Variants in BAIAP2L1 observed in about 807,000 individuals in gnomAD.
BAIAP2L1 encodes BAR/IMD domain containing adaptor protein 2 like 1.
Under a neutral mutation model 66.3 loss-of-function variants are expected in BAIAP2L1, and 35 were observed. The ratio of observed to expected loss-of-function variants is 0.53; its 90% CI spans 0.40 to 0.70. The LOEUF (loss-of-function observed/expected upper bound fraction) is 0.70. Among genes scored for constraint, BAIAP2L1 ranks in the 30% least tolerant of loss-of-function variants. BAIAP2L1 has a pLI of 0.00. For missense variants in BAIAP2L1, 622 were observed against 656.9 expected, an observed-to-expected ratio of 0.95 and a Z score of 0.58; for synonymous variants, 269 against 248.7, an observed-to-expected ratio of 1.08 and a Z score of -0.77.
rs1800896462 is a variant in BAIAP2L1 at position 98,312,117 on chromosome 7, T to C, written c.787A>G (p.Met263Val). The C allele has an allele frequency of 1.2e-6, 2 of 1,606,648 alleles. No individual in the cohort carries two copies. Among genetic ancestry groups the C allele is most frequent in the African/African-American group, 1.3e-5 (1 of 74,470 alleles). ...PVSGTPQASP[M>V]IERSNVVRKD... ...CCTACCACATTGCTTCTCTCGATCATGGGTGAAGCCTGAGGAGTTCCAGAC... is the reference window on the plus strand; with the variant it reads ...CCTACCACATTGCTTCTCTCGATCACGGGTGAAGCCTGAGGAGTTCCAGAC... Residue 263 changes from methionine to valine, a missense_variant, in exon 8 of 14, where the codon ATG becomes GTG. Physicochemically the swap from Met to Val is conservative, Grantham distance 21. Coordinates refer to ENST00000005260, the MANE Select transcript of BAIAP2L1 (RefSeq NM_018842.5).
rs770558838 is a variant in BAIAP2L1 at position 98,315,477 on chromosome 7, G to A, written c.622C>T (p.His208Tyr). 1.3e-5 allele frequency: 20 copies of A among 1,496,108 alleles called. No individual in the cohort carries two copies. Among genetic ancestry groups the A allele is most frequent in the Admixed American group, 2.2e-5 (1 of 44,658 alleles). The allele number at this position is 1,496,108 out of a possible 1,614,324, so 92.7% of individuals were successfully genotyped here. The change falls in exon 7 of 14, where the codon CAT becomes TAT. Residue 208 changes from histidine (H) to tyrosine (Y), a missense_variant. Coordinates refer to ENST00000005260, the MANE Select transcript of BAIAP2L1 (RefSeq NM_018842.5). ...ACACCCACCTGTAAGTGATAATAATGTATGTGGTTTGCAAAGCCACAGTGC... is the reference window on the plus strand; with the variant it reads ...ACACCCACCTGTAAGTGATAATAATATATGTGGTTTGCAAAGCCACAGTGC... The part of the protein sequence containing the change: ...DKHCGFANHI[H>Y]YYHLQSAELL...
In BAIAP2L1 at chr7:98,293,582, A is replaced by G. The variant is rs1800059506; in HGVS notation, c.1475T>C (p.Phe492Ser). Residue 492 changes from phenylalanine to serine, a missense_variant, in exon 14 of 14, where the codon TTT becomes TCT. Physicochemically the swap from Phe to Ser is radical, Grantham distance 155. Transcript: ENST00000005260. The stretch of plus-strand genomic sequence containing the variant: ...AGTCGGGCGGAGTTTCACAGTGGCA[A>G]AGGGGTTTTCTCCGCTGCAGGGGAT... ...KPPFLSGENP[F>S]ATVKLRPTVT... is the part of the protein sequence containing the mutation. 1 of 1,613,828 alleles carries G rather than the reference A, an allele frequency of 6.2e-7. No homozygotes were observed. The highest frequency in any genetic ancestry group is 8.5e-7 in the Non-Finnish European group (1 of 1,179,806).
intron 1 of BAIAP2L1, among the ~76,000 whole-genome samples, chr7:98,369,743 C>T (rs1012797199): frequency 1.4e-5 from 2 of 144,538 alleles, no homozygotes; most frequent in Non-Finnish European, 3.0e-5. Flanking sequence ...GCCATCTCGG[C>T]TCACTGCAAC....
rs372690052 is a variant in BAIAP2L1 at position 98,312,225 on chromosome 7, C to T, written c.679G>A (p.Glu227Lys). 1.2e-6 allele frequency: 2 copies of T among 1,613,670 alleles called. No individual in the cohort carries two copies. The highest frequency in any genetic ancestry group is 1.3e-5 in the African/African-American group (1 of 74,990). ...LLNSKLPRWQ[E>K]TCVDAIKVPE... Reference sequence around the variant, plus strand: ...ACTTTGATGGCATCAACACAGGTCTCCTGCCACCGAGGCAGCTTGGAATTC... The same window carrying T: ...ACTTTGATGGCATCAACACAGGTCTTCTGCCACCGAGGCAGCTTGGAATTC... Residue 227 changes from glutamate to lysine, a missense_variant, in exon 8 of 14, where the codon GAG (glutamate) becomes AAG (lysine). By Grantham distance (56) the Glu-to-Lys change is moderately conservative. Coordinates refer to ENST00000005260, the MANE Select transcript of BAIAP2L1 (RefSeq NM_018842.5).
intron 3 of BAIAP2L1, among the ~76,000 whole-genome samples, chr7:98,343,408 G>A (rs1258074620): frequency 4.6e-5 from 7 of 152,070 alleles, no homozygotes; most frequent in Non-Finnish European, 8.8e-5. Context: ...CCAAGATCAC[G>A]CCACTGCACT....
At chr7:98,340,372 C>G (rs767769903) in intron 3 of BAIAP2L1, among the ~76,000 whole-genome samples, 1 of 152,216 alleles carries the variant, frequency 6.6e-6, no homozygotes, top group Non-Finnish European at 1.5e-5. Flanking sequence ...ACTGCAAGCT[C>G]TGCCTCCCGG....
chr7:98,324,276 A>T (rs1211299608), intron 3 of BAIAP2L1, among the ~76,000 whole-genome samples: 1 of 152,260 alleles, frequency 6.6e-6, no homozygotes, highest in African/African-American at 2.4e-5. Context: ...CATAACTCGA[A>T]GACATTTTCT....
intron 1 of BAIAP2L1, among the ~76,000 whole-genome samples, chr7:98,383,842 AAC>A (rs1802821089): frequency 6.6e-6 from 1 of 152,164 alleles, no homozygotes; most frequent in Non-Finnish European, 1.5e-5. Flanking sequence ...GGACCCAGGA[AAC>A]ACAAAGATGA....
At position 98,389,918 on chromosome 7, in the gene BAIAP2L1, A is replaced by ATTTTTTTTTTTTTT. The variant is rs750099451; in HGVS notation, c.51+10870_51+10883dup. ...TGCACGTGTAGTCTTGGGTTAGTAA[A>ATTTTTTTTTTTTTT]TTTTTTTTTTTTTTTGAGAGGTAGT... On this transcript the variant is annotated intron_variant, in intron 1 of 13. Coordinates refer to ENST00000005260, the MANE Select transcript of BAIAP2L1 (RefSeq NM_018842.5). 4.8e-4 allele frequency among the ~76,000 whole-genome samples: 62 copies of ATTTTTTTTTTTTTT among 129,780 alleles called. 2 individuals carry two copies. The highest frequency in any genetic ancestry group is 6.9e-4 in the Non-Finnish European group (42 of 60,494). 85.1% of individuals were successfully genotyped at this position (129,780 alleles called of 152,430 possible). A position where few individuals can be genotyped will look rare whatever the true frequency, so the allele number is the denominator to read the frequency against.
chr7:98,369,918 C>G (rs574248101), intron 1 of BAIAP2L1, among the ~76,000 whole-genome samples: 3 of 151,956 alleles, frequency 2.0e-5, no homozygotes, highest in Non-Finnish European at 4.4e-5. Context: ...GTGATTCATC[C>G]GCCTCAGCCT....
chr7:98,344,833 G>C (rs1466374040), intron 3 of BAIAP2L1, among the ~76,000 whole-genome samples: 4 of 152,218 alleles, frequency 2.6e-5, no homozygotes, highest in African/African-American at 9.6e-5. Flanking sequence ...CTACTTGGGA[G>C]GCTGAGGCAG....
chr7:98,350,110 A>AGG (rs544770755), intron 3 of BAIAP2L1, among the ~76,000 whole-genome samples: 2 of 150,672 alleles, frequency 1.3e-5, no homozygotes, highest in African/African-American at 4.9e-5. Flanking sequence ...TGCCTCAAAA[A>AGG]GGGGGGAAAA....
At chr7:98,318,358 G>A (rs75232936) in intron 5 of BAIAP2L1, among the ~76,000 whole-genome samples, 8 of 152,176 alleles carry the variant, frequency 5.3e-5, no homozygotes, top group African/African-American at 1.2e-4. Flanking sequence ...AGCTGAGATC[G>A]CGCCACTGCA....
At chr7:98,385,823 A>G in intron 1 of BAIAP2L1, 1 of 1,534,652 alleles carries the variant, frequency 6.5e-7, no homozygotes, top group Non-Finnish European at 8.9e-7. Context: ...GGTGGTTCAT[A>G]TCCATCAGCT....
intron 1 of BAIAP2L1, among the ~76,000 whole-genome samples, chr7:98,375,318 T>C (rs1385127003): frequency 1.3e-5 from 2 of 149,310 alleles, no homozygotes; most frequent in Non-Finnish European, 3.0e-5. Flanking sequence ...CACTTGAACC[T>C]GGGAGGCGGA....
chr7:98,295,486 A>G (rs1476770487), intron 12 of BAIAP2L1, among the ~76,000 whole-genome samples: 3 of 152,212 alleles, frequency 2.0e-5, no homozygotes, highest in Non-Finnish European at 2.9e-5. Context: ...TGTGAGGTGC[A>G]TGCTCTGCGA....
At position 98,364,986 on chromosome 7, in the gene BAIAP2L1, C is replaced by CAA. The variant is rs531177927; in HGVS notation, c.52-2556_52-2555dup. Among the ~76,000 whole-genome samples the CAA allele has an allele frequency of 6.2e-3, 190 of 30,808 alleles. 16 individuals are homozygous for CAA. Among genetic ancestry groups the CAA allele is most frequent in the African/African-American group, 0.013 (103 of 7,730 alleles). 20.2% of individuals were successfully genotyped at this position (30,808 alleles called of 152,430 possible). On this transcript the variant is annotated intron_variant, in intron 1 of 13. Transcript: ENST00000005260. ...TGGGTGACAGAGTGAGGATATGTCT[C>CAA]AAAAAAAAAAAAAAAAAAAAAAAAA...
chr7:98,375,857 A>C (rs1802615128), intron 1 of BAIAP2L1, among the ~76,000 whole-genome samples: 2 of 152,106 alleles, frequency 1.3e-5, no homozygotes, highest in Admixed American at 6.6e-5. Flanking sequence ...AGGATGCCTT[A>C]GTCACCCCAT....
intron 2 of BAIAP2L1, among the ~76,000 whole-genome samples, chr7:98,359,026 G>A (rs747883473): frequency 6.6e-6 from 1 of 152,200 alleles, no homozygotes; most frequent in Non-Finnish European, 1.5e-5. Context: ...AGTGAGGACA[G>A]AGTCTGGCCT....
Sources: allele counts gnomAD v4.1 joint callset (sites outside exome capture counted in the v4.1 genomes callset), GRCh38; gene constraint gnomAD v4.1.1; transcripts MANE v1.5; gene names NCBI Gene and HGNC (gene_info 2026-07-23, HGNC 2026-07-21).